Variants in KIAA1210 observed in about 807,000 individuals in gnomAD.
KIAA1210 encodes acrosomal protein KIAA1210.
In KIAA1210, 48 loss-of-function variants were observed where a neutral mutation model predicts 78.9. The ratio of observed to expected loss-of-function variants is 0.61; its 90% confidence interval spans 0.48 to 0.77. The LOEUF is 0.77. KIAA1210 is among the 30% of genes least tolerant of loss of function. KIAA1210 has a pLI of 0.00. For missense variants in KIAA1210, 1,108 were observed against 1,100.0 expected, an observed-to-expected ratio of 1.01 and a Z score of -0.10; for synonymous variants, 406 against 404.5, an observed-to-expected ratio of 1.00 and a Z score of -0.04.
chrX:119,149,879 C>CCT (rs748623248), intron 1 of KIAA1210, among the ~76,000 whole-genome samples: 2 of 111,165 alleles, frequency 1.8e-5, no homozygotes, highest in African/African-American at 3.3e-5. Context: ...TCTCGGCCTT[C>CCT]CTCTCGTCTC....
rs188369194 is a variant in KIAA1210, at chrX:119,087,712, C to T, written c.2990G>A (p.Arg997Gln). 9.3e-5 allele frequency: 112 copies of T among 1,209,922 alleles called. No individual in the cohort carries two copies. Among genetic ancestry groups the T allele is most frequent in the Admixed American group, 2.6e-4 (12 of 45,747 alleles). ...GCCTTCAACAGCCATTTTCTCTAGT[C>T]GTGAGGTCATTTCCTGAACTTTAGA... ...KRSKVQEMTSRLEKMAVEGTS... is the reference protein window; with the variant it reads ...KRSKVQEMTSQLEKMAVEGTS... The change falls in exon 9 of 12, where the codon CGA becomes CAA. Residue 997 changes from arginine (R) to glutamine (Q), a missense_variant. Physicochemically the swap from Arg to Gln is conservative, Grantham distance 43. Coordinates refer to ENST00000691062, the MANE Select transcript of KIAA1210 (RefSeq NM_001394962.1).
Position 119,088,742 on chromosome X carries a change from C to T in KIAA1210, c.1960G>A (p.Glu654Lys), listed in dbSNP as rs759449069. Residue 654 changes from glutamate (E) to lysine (K), a missense_variant, in exon 9 of 12, where the codon GAG becomes AAG. Around this residue, in one of 5 missense-constraint regions of KIAA1210, gnomAD observed 672 missense variants for 607.1 expected, o/e 1.11. Transcript: ENST00000691062. ...GAGAGGCATCTGAGGTCCAGCTCCT[C>T]CTCAGAGCTGCTCAAGTCCTCAACA... ...SFVEDLSSSE[E>K]ELDLRCLSQA... The T allele has an allele frequency of 1.7e-6, 2 of 1,210,906 alleles. No individual in the cohort carries two copies. Among genetic ancestry groups the T allele is most frequent in the Admixed American group, 4.4e-5 (2 of 45,955 alleles).
intron 1 of KIAA1210, among the ~76,000 whole-genome samples, chrX:119,126,437 C>T (rs1169921971): frequency 1.8e-5 from 2 of 112,471 alleles, no homozygotes; most frequent in Non-Finnish European, 3.8e-5. Context: ...ATTTGTTCAA[C>T]GACAGGTATG....
chrX:119,102,466 G>A (rs1927762619), intron 6 of KIAA1210, among the ~76,000 whole-genome samples: 2 of 110,503 alleles, frequency 1.8e-5, no homozygotes, highest in African/African-American at 3.3e-5. Context: ...ACAGCCTGGA[G>A]TTCCTAACCT....
At chrX:119,128,598 G>A (rs775316196), upstream of KIAA1210, among the ~76,000 whole-genome samples, 11 of 111,758 alleles carry the variant, frequency 9.8e-5, no homozygotes, top group African/African-American at 3.6e-4. Flanking sequence ...TTCCCCCAGA[G>A]AGCACGTCCA....
intron 7 of KIAA1210, among the ~76,000 whole-genome samples, chrX:119,095,790 A>G (rs1257659135): frequency 8.9e-6 from 1 of 112,651 alleles, no homozygotes; most frequent in Non-Finnish European, 1.9e-5. Context: ...GATGACTTGG[A>G]CAAATAATAA....
chrX:119,121,363 A>G (rs1928451695), intron 2 of KIAA1210, among the ~76,000 whole-genome samples: 1 of 111,626 alleles, frequency 9.0e-6, no homozygotes, highest in Admixed American at 9.5e-5. Context: ...TATACACTGG[A>G]TAACTTATGC....
chrX:119,119,771 T>C (rs951605024), intron 2 of KIAA1210, among the ~76,000 whole-genome samples: 4 of 108,251 alleles, frequency 3.7e-5, no homozygotes, highest in Non-Finnish European at 5.8e-5. Flanking sequence ...GGTCAGGAGG[T>C]GGAGACCATT....
At chrX:119,118,386 C>T (rs757352169) in intron 2 of KIAA1210, among the ~76,000 whole-genome samples, 15 of 111,944 alleles carry the variant, frequency 1.3e-4, no homozygotes, top group African/African-American at 2.6e-4. Flanking sequence ...GAAAGGGATC[C>T]GTAGTCCAGT....
intron 10 of KIAA1210, 88 bp from the exon 11 acceptor site, chrX:119,083,208 C>T: frequency 1.6e-6 from 1 of 618,120 alleles, no homozygotes; most frequent in Non-Finnish European, 2.5e-6. Flanking sequence ...GAGTGCAAGC[C>T]CTGTCCTGGG....
intron 2 of KIAA1210, among the ~76,000 whole-genome samples, chrX:119,139,473 C>T (rs765756835): frequency 9.0e-6 from 1 of 111,360 alleles, no homozygotes; most frequent in African/African-American, 3.3e-5. Context: ...ACCAAGTATC[C>T]ACACTATATC....
rs1927015164 is a variant in KIAA1210 at position 119,083,026 on chromosome X, G to A, written c.4415C>T (p.Pro1472Leu). The stretch of plus-strand genomic sequence containing the variant: ...ATGTATGCTTTTACCTGATTTTGTA[G>A]GCTTAGGTGGCTTCATCTGTGCTGT... ...EKTAQMKPPK[P>L]TKSVGFEAQK... is the part of the protein sequence containing the mutation. The change falls in exon 11 of 12, where the codon CCT becomes CTT. Residue 1472 changes from proline to leucine, a missense_variant. Pro to Leu is a moderately conservative substitution (Grantham distance 98). Transcript: ENST00000691062. 2 of 1,188,536 alleles carry A rather than the reference G, an allele frequency of 1.7e-6. No homozygotes were observed. Among genetic ancestry groups the A allele is most frequent in the African/African-American group, 1.7e-5 (1 of 57,191 alleles).
At chrX:119,082,976 C>G (rs373991905) in intron 11 of KIAA1210, 39 bp downstream of exon 11, 1 of 954,550 alleles carries the variant, frequency 1.0e-6, no homozygotes, top group Non-Finnish European at 1.4e-6. Flanking sequence ...AACATTCTGT[C>G]GGGGCTGTTT....
At chrX:119,117,155 T>A (rs1243467445) in intron 2 of KIAA1210, among the ~76,000 whole-genome samples, 2 of 112,131 alleles carry the variant, frequency 1.8e-5, no homozygotes, top group Non-Finnish European at 3.8e-5. Context: ...CAAGTCTAAG[T>A]GGCAGTTGAT....
At chrX:119,103,726 CA>C (rs1927803107) in intron 6 of KIAA1210, among the ~76,000 whole-genome samples, 1 of 112,015 alleles carries the variant, frequency 8.9e-6, no homozygotes, top group South Asian at 3.8e-4. Flanking sequence ...AATGGCTAAA[CA>C]AAATGTGGTA....
Position 119,086,780 on chromosome X carries a change from G to C in KIAA1210, c.3922C>G (p.Pro1308Ala), listed in dbSNP as rs1461422957. ...TCACTCTTATACTTCTGCGAGGGAG[G>C]GGCTCTTTTCAGTCGAACTCCAAAA... ...KLFGVRLKRA[P>A]PSQKYKSEKQ... The change falls in exon 9 of 12, where the codon CCT (proline) becomes GCT (alanine). Residue 1308 changes from proline to alanine, a missense_variant. By Grantham distance (27) the Pro-to-Ala change is conservative (BLOSUM62 -1). Around this residue, in one of 5 missense-constraint regions of KIAA1210, gnomAD observed 245 missense variants for 278.8 expected, o/e 0.88. Transcript: ENST00000691062. 1 of 1,208,919 alleles carries C rather than the reference G, an allele frequency of 8.3e-7. No individual in the cohort carries two copies. Among genetic ancestry groups the C allele is most frequent in the African/African-American group, 1.8e-5 (1 of 56,993 alleles).
intron 3 of KIAA1210, 140 bp from the exon 4 acceptor site, chrX:119,109,342 C>T: frequency 1.8e-6 from 1 of 541,522 alleles, no homozygotes; most frequent in Non-Finnish European, 2.9e-6. Flanking sequence ...GAAAGTGGTT[C>T]ATGAGATAGT....
chrX:119,115,655 G>A (rs905316329), intron 3 of KIAA1210, among the ~76,000 whole-genome samples: 2 of 112,195 alleles, frequency 1.8e-5, no homozygotes, highest in Middle Eastern at 4.2e-3. Flanking sequence ...TGGTTGGAGC[G>A]GGCAGCAGGA....
chrX:119,089,029 G>T lies in KIAA1210; in HGVS notation c.1673C>A (p.Ser558Tyr), dbSNP rs1927272132. 2 of 1,210,598 alleles carry T rather than the reference G, an allele frequency of 1.7e-6. No homozygotes were observed. Among genetic ancestry groups the T allele is most frequent in the African/African-American group, 3.5e-5 (2 of 57,418 alleles). Residue 558 changes from serine (S) to tyrosine (Y), a missense_variant, in exon 9 of 12, where the codon TCT becomes TAT. Ser to Tyr is a moderately radical substitution (Grantham distance 144, BLOSUM62 -2). This residue lies in a region of KIAA1210 where 672 missense variants were observed against 607.1 expected (regional missense o/e 1.11). Transcript: ENST00000691062. ...DVQTICKEKPSGNVHQTFTAS... is the reference protein window; with the variant it reads ...DVQTICKEKPYGNVHQTFTAS... ...TGTAAAGGTCTGGTGAACATTTCCA[G>T]AAGGCTTTTCTTTGCAGATAGTTTG...
Sources: allele counts gnomAD v4.1 joint callset (sites outside exome capture counted in the v4.1 genomes callset), GRCh38; gene constraint gnomAD v4.1.1; regional missense constraint gnomAD v4.1.1; transcripts MANE v1.5; gene names NCBI Gene and HGNC (gene_info 2026-07-23, HGNC 2026-07-21).